The following NDUFAF1 variants were observed in gnomAD, a reference collection of about 807,000 sequenced individuals.
NDUFAF1 encodes the protein complex I intermediate-associated protein 30, mitochondrial.
A neutral mutation model predicts 28.7 loss-of-function variants in NDUFAF1; 18 were observed. The observed-to-expected ratio is 0.63, with a 90% confidence interval of 0.43 to 0.93. The LOEUF (loss-of-function observed/expected upper bound fraction) is 0.93, where lower values mean the gene tolerates loss of function less well. Among genes scored for constraint, NDUFAF1 ranks in the 40% least tolerant of loss-of-function variants. The pLI is 0.00. For synonymous variants in NDUFAF1, 113 were observed against 139.7 expected (o/e 0.81, Z 1.35); for missense variants, 404 against 398.3 (o/e 1.01, Z -0.12).
chr15:41,392,596 C>T (rs544199067), intron 3 of NDUFAF1, among the ~76,000 whole-genome samples: 12 of 152,090 alleles, frequency 7.9e-5, no homozygotes, highest in African/African-American at 1.2e-4. Flanking sequence ...CCCCTTCATT[C>T]GGCTCTCATT....
intron 1 of NDUFAF1, among the ~76,000 whole-genome samples, chr15:41,397,378 T>C (rs957473166): frequency 6.6e-6 from 1 of 152,116 alleles, no homozygotes; most frequent in Non-Finnish European, 1.5e-5. Flanking sequence ...GCCACCCAAG[T>C]AGCTGGGATT....
rs755048637 is a variant in NDUFAF1 at position 41,394,781 on chromosome 15, T to G, written c.759+78A>C. The G allele has an allele frequency of 1.9e-5, 29 of 1,505,238 alleles. No homozygotes were observed. The African/African-American group carries it at 2.1e-4, about 11-fold the overall frequency. The allele number at this position is 1,505,238 out of a possible 1,614,324, so 93.2% of individuals were successfully genotyped here. A position where few individuals can be genotyped will look rare whatever the true frequency, so the allele number is the denominator to read the frequency against. On this transcript the variant is annotated intron_variant, in intron 3 of 4. Coordinates refer to ENST00000260361, the MANE Select transcript of NDUFAF1 (RefSeq NM_016013.4). Reference sequence around the variant, plus strand: ...GATCCACCCACCTCGGCCTCCCAAATTGCTGGGATTATAGGCGTGAGCCAC... The same window carrying G: ...GATCCACCCACCTCGGCCTCCCAAAGTGCTGGGATTATAGGCGTGAGCCAC...
intron 3 of NDUFAF1, among the ~76,000 whole-genome samples, chr15:41,393,822 C>T (rs149946049): frequency 0.041 from 6,248 of 151,732 alleles, 239 homozygotes; most frequent in African/African-American, 0.1. Flanking sequence ...CTGCCCACCT[C>T]GGCCTCCCAA....
In NDUFAF1 at chr15:41,388,491, C is replaced by T. The variant is rs761275085; in HGVS notation, c.791G>A (p.Arg264Gln). The T allele has an allele frequency of 1.5e-5, 24 of 1,612,528 alleles. No individual in the cohort carries two copies. The highest frequency in any genetic ancestry group is 1.4e-4 in the South Asian group (13 of 91,066). Residue 264 changes from arginine to glutamine, a missense_variant, in exon 4 of 5, where the codon CGA becomes CAA. Coordinates refer to ENST00000260361, the MANE Select transcript of NDUFAF1 (RefSeq NM_016013.4). ...IPFSKFFFSNRGRIRDVQHEL... is the reference protein window; with the variant it reads ...IPFSKFFFSNQGRIRDVQHEL... ...ATGCTGAACATCCCGGATTCTTCCT[C>T]GATTAGAGAAGAAAAATTTGGAAAA...
rs1338434337 is a variant in NDUFAF1 at position 41,402,135 on chromosome 15, A to G, written c.-82+9T>C. On this transcript the variant is annotated intron_variant, in intron 1 of 4. Transcript: ENST00000260361. Reference sequence around the variant, plus strand: ...GTGAGTAGAATTAGTAAAGCTATCCATGCCTTACCATGTGCCAGAAACTGC... The same window carrying G: ...GTGAGTAGAATTAGTAAAGCTATCCGTGCCTTACCATGTGCCAGAAACTGC... The G allele has an allele frequency of 2.2e-6, 1 of 448,762 alleles. No homozygotes were observed. Among genetic ancestry groups the G allele is most frequent in the Non-Finnish European group, 4.5e-6 (1 of 222,410 alleles). 27.8% of individuals were successfully genotyped at this position (448,762 alleles called of 1,614,324 possible). A position where few individuals can be genotyped will look rare whatever the true frequency, so the allele number is the denominator to read the frequency against.
chr15:41,388,532 GA>G lies in NDUFAF1; in HGVS notation c.760-11del. The G allele has an allele frequency of 6.3e-7, 1 of 1,581,350 alleles. No individual in the cohort carries two copies. The highest frequency in any genetic ancestry group is 8.7e-7 in the Non-Finnish European group (1 of 1,150,224). Reference sequence around the variant, plus strand: ...ATTTGGAAAAAGGAATCTGAAAGAAGAAACCATTTACTTCATAACTGAAATG... The same window carrying G: ...ATTTGGAAAAAGGAATCTGAAAGAAGAACCATTTACTTCATAACTGAAATG... On this transcript the variant is annotated splice_polypyrimidine_tract_variant and intron_variant, in intron 3 of 4. Coordinates refer to ENST00000260361, the MANE Select transcript of NDUFAF1 (RefSeq NM_016013.4).
chr15:41,394,149 C>G, intron 3 of NDUFAF1: 1 of 435,334 alleles, frequency 2.3e-6, no homozygotes, highest in Non-Finnish European at 4.6e-6. Flanking sequence ...CTGCCTTAGC[C>G]TCCCGAGTAG....
At chr15:41,394,202 A>AT (rs1370924048) in intron 3 of NDUFAF1, 9 of 472,040 alleles carry the variant, frequency 1.9e-5, no homozygotes, top group African/African-American at 4.0e-5. Context: ...CTAATTTTGT[A>AT]TTTTTTTTAG....
intron 3 of NDUFAF1, among the ~76,000 whole-genome samples, chr15:41,392,420 A>G (rs1021755603): frequency 6.6e-6 from 1 of 152,022 alleles, no homozygotes; most frequent in Non-Finnish European, 1.5e-5. Flanking sequence ...GGGTCCTGAT[A>G]TGGTTTGGCT....
chr15:41,392,066 C>CTTTT (rs1162627793), intron 3 of NDUFAF1, among the ~76,000 whole-genome samples: 11 of 115,696 alleles, frequency 9.5e-5, no homozygotes, highest in Non-Finnish European at 1.8e-4. Context: ...GGACTTTATT[C>CTTTT]TTTTTTTTTT....
At chr15:41,397,231 G>A in intron 1 of NDUFAF1, 91 bp from the exon 2 acceptor site, 1 of 614,910 alleles carries the variant, frequency 1.6e-6, no homozygotes, top group Non-Finnish European at 2.9e-6. Flanking sequence ...TTTGAAGTTT[G>A]TTAACTTATT....
At chr15:41,402,728 CTTTTT>C (rs557825524), upstream of NDUFAF1, among the ~76,000 whole-genome samples, 2 of 120,914 alleles carry the variant, frequency 1.7e-5, no homozygotes, top group Admixed American at 9.4e-5. Context: ...ATCCCTGCGT[CTTTTT>C]TTTTTTTTTT....
intron 2 of NDUFAF1, among the ~76,000 whole-genome samples, chr15:41,396,154 A>C (rs1227594468): frequency 6.6e-6 from 1 of 151,962 alleles, no homozygotes; most frequent in Non-Finnish European, 1.5e-5. Flanking sequence ...GTCATTACAG[A>C]GGTTGTGGTC....
At chr15:41,398,039 A>C (rs1362192754) in intron 1 of NDUFAF1, among the ~76,000 whole-genome samples, 2 of 150,752 alleles carry the variant, frequency 1.3e-5, no homozygotes, top group Non-Finnish European at 3.0e-5. Context: ...AAAAAAAAAA[A>C]AAAAACAGAA....
rs1474238905 is a variant in NDUFAF1 at position 41,402,220 on chromosome 15, T to C, written c.-158A>G. ...GAGAGAGGTACTATTATTATTTCAA[T>C]TATAGAGACGAAGAAACTGACGTTC... On this transcript the variant is annotated 5_prime_UTR_variant, in exon 1 of 5. Transcript: ENST00000260361. 2.2e-6 allele frequency: 1 copy of C among 454,126 alleles called. No individual in the cohort carries two copies. Among genetic ancestry groups the C allele is most frequent in the East Asian group, 6.9e-5 (1 of 14,406 alleles). 28.1% of individuals were successfully genotyped at this position (454,126 alleles called of 1,614,324 possible).
chr15:41,387,804 T>C (rs759454314), intron 4 of NDUFAF1, among the ~76,000 whole-genome samples: 44 of 152,088 alleles, frequency 2.9e-4, no homozygotes, highest in Non-Finnish European at 5.0e-4. Flanking sequence ...CTCTCCTCAT[T>C]AGGTAGTGCC....
chr15:41,393,582 G>A (rs976732484), intron 3 of NDUFAF1, among the ~76,000 whole-genome samples: 10 of 143,406 alleles, frequency 7.0e-5, no homozygotes, highest in African/African-American at 1.1e-4. Flanking sequence ...AAGCCACCGC[G>A]GCCGGCCTTT....
chr15:41,393,860 C>T lies in NDUFAF1; in HGVS notation c.759+999G>A, dbSNP rs533996346. 1.6e-4 allele frequency among the ~76,000 whole-genome samples: 24 copies of T among 151,924 alleles called. No individual in the cohort carries two copies. In the South Asian group the frequency reaches 4.1e-3, roughly 26 times the overall value. On this transcript the variant is annotated intron_variant, in intron 3 of 4. Coordinates refer to ENST00000260361, the MANE Select transcript of NDUFAF1 (RefSeq NM_016013.4). ...TGCTGGGATTACAGGCATGAGCCAC[C>T]GCGCCTGGCCTCTAATTCTTGTATT...
intron 2 of NDUFAF1, among the ~76,000 whole-genome samples, chr15:41,396,245 G>A (rs752807457): frequency 2.4e-4 from 37 of 151,954 alleles, no homozygotes; most frequent in African/African-American, 6.8e-4. Context: ...AACAATGCTC[G>A]TTCCTGGCCC....
Sources: gnomAD v4.1 joint callset for allele counts (sites outside exome capture counted in the v4.1 genomes callset) on GRCh38, gnomAD v4.1.1 for gene constraint, MANE v1.5 for transcripts, NCBI Gene and HGNC (gene_info 2026-07-23, HGNC 2026-07-21) for gene names.